Variants in ATRNL1 observed in about 807,000 individuals in gnomAD.
The protein encoded by ATRNL1 is attractin like 1.
In ATRNL1, 95 loss-of-function variants were observed where a neutral mutation model predicts 182.7. The ratio of observed to expected loss-of-function variants is 0.52; its 90% confidence interval spans 0.44 to 0.62. The LOEUF (loss-of-function observed/expected upper bound fraction) is 0.62. Among genes scored for constraint, ATRNL1 ranks in the 20% least tolerant of loss-of-function variants. The pLI is 0.00. For synonymous variants in ATRNL1, 576 were observed against 568.3 expected, an observed-to-expected ratio of 1.01 and a Z score of -0.19; for missense variants, 1,471 against 1,679.5, an observed-to-expected ratio of 0.88 and a Z score of 2.17.
chr10:115,273,168 C>T (rs1056524627), intron 13 of ATRNL1, among the ~76,000 whole-genome samples: 1 of 152,050 alleles, frequency 6.6e-6, no homozygotes, highest in Non-Finnish European at 1.5e-5. Flanking sequence ...GCCAGGTTGG[C>T]CTCGGTGGAT....
At chr10:115,491,646 C>T (rs1414180247) in intron 24 of ATRNL1, among the ~76,000 whole-genome samples, 1 of 152,116 alleles carries the variant, frequency 6.6e-6, no homozygotes, top group East Asian at 1.9e-4. Flanking sequence ...GTGCTGGCAG[C>T]GAGAATTTCA....
intron 19 of ATRNL1, among the ~76,000 whole-genome samples, chr10:115,369,360 G>C (rs567931328): frequency 1.3e-5 from 2 of 151,900 alleles, no homozygotes; most frequent in African/African-American, 4.8e-5. Flanking sequence ...ATAGGATTCT[G>C]TGAAGGCGAT....
intron 3 of ATRNL1, among the ~76,000 whole-genome samples, chr10:115,127,027 T>C (rs1484271484): frequency 6.6e-6 from 1 of 152,190 alleles, no homozygotes; most frequent in Non-Finnish European, 1.5e-5. Context: ...GCAATTTGCA[T>C]AGATATGCAA....
intron 7 of ATRNL1, among the ~76,000 whole-genome samples, chr10:115,169,113 G>T (rs566727586): frequency 7.1e-6 from 1 of 140,484 alleles, no homozygotes; most frequent in African/African-American, 2.6e-5. Context: ...TGGTACTCTT[G>T]TCAAAAATCA....
chr10:115,333,918 T>C (rs1387487133), intron 18 of ATRNL1, among the ~76,000 whole-genome samples: 2 of 152,240 alleles, frequency 1.3e-5, no homozygotes, highest in African/African-American at 2.4e-5. Flanking sequence ...ATTTTAGCAT[T>C]CTTTATCAAA....
At chr10:115,429,531 G>A (rs930596949) in intron 21 of ATRNL1, among the ~76,000 whole-genome samples, 3 of 152,018 alleles carry the variant, frequency 2.0e-5, no homozygotes, top group African/African-American at 7.2e-5. Flanking sequence ...TTGTGACAAG[G>A]TTATATCATG....
intron 4 of ATRNL1, 28 bp downstream of exon 4, chr10:115,127,749 T>G: frequency 1.5e-6 from 2 of 1,330,890 alleles, no homozygotes; most frequent in South Asian, 1.9e-5. Context: ...ATTCCTTCTT[T>G]TAATGATTCT....
rs781873046 is a variant in ATRNL1 at position 115,498,732 on chromosome 10, TTAAC to T, written c.3655-20528_3655-20525del. 2.1e-4 allele frequency among the ~76,000 whole-genome samples: 32 copies of T among 152,078 alleles called. 1 individual carries two copies. The highest frequency in any genetic ancestry group is 4.1e-4 in the South Asian group (2 of 4,824). ...TTAAAATTTTAGTCGTTTTGTTTCC[TTAAC>T]TATTAATGTATTTTTATAATGCAAA... On this transcript the variant is annotated intron_variant, in intron 24 of 28. Coordinates refer to ENST00000355044, the MANE Select transcript of ATRNL1 (RefSeq NM_207303.4).
chr10:115,644,853 T>C (rs1359705898), intron 26 of ATRNL1, among the ~76,000 whole-genome samples: 1 of 152,198 alleles, frequency 6.6e-6, no homozygotes, highest in African/African-American at 2.4e-5. Flanking sequence ...TATTCTTGTA[T>C]TTGTTATACA....
At chr10:115,745,889 T>C (rs1270245001) in intron 27 of ATRNL1, among the ~76,000 whole-genome samples, 1 of 152,090 alleles carries the variant, frequency 6.6e-6, no homozygotes, top group African/African-American at 2.4e-5. Context: ...AATGAAATAC[T>C]AGGGGTGGGG....
rs555190684 is a variant in ATRNL1 at position 115,313,549 on chromosome 10, C to T, written c.2819-1969C>T. On this transcript the variant is annotated intron_variant, in intron 17 of 28. Coordinates refer to ENST00000355044, the MANE Select transcript of ATRNL1 (RefSeq NM_207303.4). Reference sequence around the variant, plus strand: ...TGAAGCTTATTTCATTCGCCAGTGGCGTGTACTTATTTATTTATTTATTTA... The same window carrying T: ...TGAAGCTTATTTCATTCGCCAGTGGTGTGTACTTATTTATTTATTTATTTA... 3.9e-5 allele frequency among the ~76,000 whole-genome samples: 6 copies of T among 151,954 alleles called. No individual in the cohort carries two copies. In the East Asian group the frequency reaches 5.8e-4, roughly 15 times the overall value.
chr10:115,648,125 T>C (rs1253358769), intron 26 of ATRNL1, among the ~76,000 whole-genome samples: 2 of 152,114 alleles, frequency 1.3e-5, no homozygotes, highest in Non-Finnish European at 2.9e-5. Context: ...GGATACAAAA[T>C]CAATGTGCAA....
At chr10:115,479,778 A>G (rs1848682127) in intron 24 of ATRNL1, among the ~76,000 whole-genome samples, 1 of 151,400 alleles carries the variant, frequency 6.6e-6, no homozygotes, top group Non-Finnish European at 1.5e-5. Context: ...ATGCAATTAA[A>G]TCTTGATAAT....
chr10:115,621,729 C>G (rs1857782456), intron 26 of ATRNL1, among the ~76,000 whole-genome samples: 1 of 152,090 alleles, frequency 6.6e-6, no homozygotes, highest in Non-Finnish European at 1.5e-5. Flanking sequence ...CTTGAAGATC[C>G]CATTCCATTT....
intron 25 of ATRNL1, among the ~76,000 whole-genome samples, chr10:115,526,818 C>T (rs1246207641): frequency 6.6e-6 from 1 of 152,080 alleles, no homozygotes; most frequent in Non-Finnish European, 1.5e-5. Flanking sequence ...CAATGCCTAC[C>T]TGCCTTTGTG....
At position 115,597,824 on chromosome 10, in the gene ATRNL1, C is replaced by T. The variant is rs12257164; in HGVS notation, c.3795+48288C>T. 6.0e-3 allele frequency: 1,795 copies of T among 300,574 alleles called. 31 individuals are homozygous for T. The highest frequency in any genetic ancestry group is 0.038 in the African/African-American group (1,658 of 43,884). 18.6% of individuals were successfully genotyped at this position (300,574 alleles called of 1,614,324 possible). ...TGCTGGGATTACAGGCGTGAGCCAC[C>T]GCGCCGGGCCTCTATGTGAACTCTT... On this transcript the variant is annotated intron_variant, in intron 26 of 28. Coordinates refer to ENST00000355044, the MANE Select transcript of ATRNL1 (RefSeq NM_207303.4).
chr10:115,650,586 A>G (rs557200710), intron 26 of ATRNL1, among the ~76,000 whole-genome samples: 28 of 152,148 alleles, frequency 1.8e-4, no homozygotes, highest in African/African-American at 6.5e-4. Context: ...TTTGAATAGA[A>G]AAGCTGACCA....
Position 115,611,054 on chromosome 10 carries a change from C to CTTTTTTTTT in ATRNL1, c.3795+61520_3795+61528dup, listed in dbSNP as rs3086300. Reference sequence around the variant, plus strand: ...AGCCAACACAGTAATTTTCAAAGGACTTTTTTTTTTACTATATACCTCTTG... The same window carrying CTTTTTTTTT: ...AGCCAACACAGTAATTTTCAAAGGACTTTTTTTTTTTTTTTTTTTACTATATACCTCTTG... On this transcript the variant is annotated intron_variant, in intron 26 of 28. Transcript: ENST00000355044. Among the ~76,000 whole-genome samples, 601 of 147,100 alleles carry CTTTTTTTTT rather than the reference C, an allele frequency of 4.1e-3. 3 individuals carry two copies. Among genetic ancestry groups the CTTTTTTTTT allele is most frequent in the African/African-American group, 0.014 (579 of 40,332 alleles).
At chr10:115,719,354 T>G (rs1593118679) in intron 26 of ATRNL1, among the ~76,000 whole-genome samples, 1 of 152,148 alleles carries the variant, frequency 6.6e-6, no homozygotes, top group African/African-American at 2.4e-5. Flanking sequence ...TAAAAACAAG[T>G]ATACACAGGT....
Sources: allele counts gnomAD v4.1 joint callset (sites outside exome capture counted in the v4.1 genomes callset), GRCh38; gene constraint gnomAD v4.1.1; transcripts MANE v1.5; gene names NCBI Gene and HGNC (gene_info 2026-07-23, HGNC 2026-07-21).